Variants in PTH2R observed in about 807,000 individuals in gnomAD.
PTH2R encodes the protein parathyroid hormone 2 receptor, also known as PTH2 receptor.
A neutral mutation model predicts 60.3 loss-of-function variants in PTH2R; 59 were observed. That is an observed-to-expected ratio of 0.98 (90% CI 0.79 to 1.22). The LOEUF (loss-of-function observed/expected upper bound fraction) is 1.22. PTH2R is among the 50% of genes most tolerant of loss of function. The pLI is 0.00. For synonymous variants in PTH2R, 256 were observed against 243.8 expected (o/e 1.05, Z -0.47); for missense variants, 749 against 682.6 (o/e 1.10, Z -1.08).
At chr2:208,368,235 C>T (rs958322980) in intron 1 of PTH2R, among the ~76,000 whole-genome samples, 3 of 152,208 alleles carry the variant, frequency 2.0e-5, no homozygotes, top group African/African-American at 7.2e-5. Context: ...ACCTATATTA[C>T]TGTGAAAATG....
rs1702100984 is a variant in PTH2R at position 208,437,625 on chromosome 2, T to C, written c.267T>C (p.Tyr89=). ...TATCGGCTGTTCCATGCCCTCCTTA[T>C]ATTTATGACTTCAACCATAAAGGTA... is the stretch of plus-strand genomic sequence containing the variant. ...GKISAVPCPP[Y]IYDFNHKGVA... The change falls in exon 3 of 13, where the codon TAT becomes TAC. Residue 89 remains tyrosine (Y), a synonymous_variant. Transcript: ENST00000272847. The C allele has an allele frequency of 1.9e-6, 3 of 1,612,998 alleles. No homozygotes were observed. Among genetic ancestry groups the C allele is most frequent in the Non-Finnish European group, 2.5e-6 (3 of 1,179,588 alleles).
intron 9 of PTH2R, among the ~76,000 whole-genome samples, chr2:208,469,679 T>A (rs765516617): frequency 2.0e-5 from 3 of 152,234 alleles, no homozygotes; most frequent in African/African-American, 7.2e-5. Context: ...CTAGAGTCAT[T>A]GGAAAATACT....
intron 2 of PTH2R, among the ~76,000 whole-genome samples, chr2:208,428,875 G>A (rs745355308): frequency 3.3e-5 from 5 of 152,074 alleles, no homozygotes; most frequent in East Asian, 1.9e-4. Flanking sequence ...ACCTGAGGTC[G>A]GGAGCTCCAG....
At chr2:208,437,345 C>A (rs575087456) in intron 2 of PTH2R, among the ~76,000 whole-genome samples, 192 bp from the exon 3 acceptor site, 39 of 151,988 alleles carry the variant, frequency 2.6e-4, no homozygotes, top group Non-Finnish European at 4.7e-4. Context: ...TATGAATGAG[C>A]CTTTGATGAA....
chr2:208,420,246 T>C (rs1316443772), intron 1 of PTH2R, among the ~76,000 whole-genome samples: 1 of 151,396 alleles, frequency 6.6e-6, no homozygotes, highest in Non-Finnish European at 1.5e-5. Context: ...GTAACAAACC[T>C]GCACATTGTG....
rs1702227040 is a variant in PTH2R at position 208,443,421 on chromosome 2, T to G, written c.583T>G (p.Phe195Val). ...TTTCATGCTGAGAGCTACAAGCATCTTTGTCAAAGACAGAGTAGTCCATGC... is the reference window on the plus strand; with the variant it reads ...TTTCATGCTGAGAGCTACAAGCATCGTTGTCAAAGACAGAGTAGTCCATGC... ...VSFMLRATSIFVKDRVVHAHI... is the reference protein window; with the variant it reads ...VSFMLRATSIVVKDRVVHAHI... Residue 195 changes from phenylalanine (F) to valine (V), a missense_variant, in exon 6 of 13, where the codon TTT becomes GTT. Phe to Val is a conservative substitution (Grantham distance 50). Coordinates refer to ENST00000272847, the MANE Select transcript of PTH2R (RefSeq NM_005048.4). 5 of 1,613,188 alleles carry G rather than the reference T, an allele frequency of 3.1e-6. 1 individual carries two copies. In the South Asian group the frequency reaches 5.5e-5, roughly 18 times the overall value.
chr2:208,474,641 G>A (rs1702959795), intron 9 of PTH2R, among the ~76,000 whole-genome samples: 1 of 152,226 alleles, frequency 6.6e-6, no homozygotes, highest in African/African-American at 2.4e-5. Context: ...AGACTGTGGA[G>A]TTTGATGGGA....
chr2:208,425,239 G>A (rs1157435035), intron 1 of PTH2R, among the ~76,000 whole-genome samples: 1 of 152,134 alleles, frequency 6.6e-6, no homozygotes, highest in Non-Finnish European at 1.5e-5. Context: ...TAATGAGATG[G>A]AGTAAAAAGC....
intron 1 of PTH2R, among the ~76,000 whole-genome samples, chr2:208,387,122 T>C (rs960910361): frequency 5.3e-5 from 8 of 152,222 alleles, no homozygotes; most frequent in African/African-American, 1.9e-4. Context: ...GAGCTCTGGA[T>C]CATTGTTACG....
rs143249054 is a variant in PTH2R, at chr2:208,412,743, A to T, written c.75+5625A>T. Among the ~76,000 whole-genome samples the T allele has an allele frequency of 2.1e-3, 314 of 152,316 alleles. 2 individuals are homozygous for T. Among genetic ancestry groups the T allele is most frequent in the African/African-American group, 7.2e-3 (298 of 41,580 alleles). ...AGTATAAGGTTTAGAGTTCCAGCATACCAGAGATTCATATTTTTTCAGGTT... is the reference window on the plus strand; with the variant it reads ...AGTATAAGGTTTAGAGTTCCAGCATTCCAGAGATTCATATTTTTTCAGGTT... On this transcript the variant is annotated intron_variant, in intron 1 of 12. Coordinates refer to ENST00000272847, the MANE Select transcript of PTH2R (RefSeq NM_005048.4).
intron 10 of PTH2R, among the ~76,000 whole-genome samples, chr2:208,484,313 A>C (rs535463514): frequency 5.3e-5 from 8 of 152,372 alleles, no homozygotes; most frequent in Non-Finnish European, 5.9e-5. Flanking sequence ...AATGGAAATG[A>C]GTGAATCAAT....
chr2:208,419,171 C>T (rs1383634917), intron 1 of PTH2R, among the ~76,000 whole-genome samples: 2 of 152,228 alleles, frequency 1.3e-5, no homozygotes, highest in Non-Finnish European at 2.9e-5. Flanking sequence ...TCCACATCCT[C>T]TCCAGCACCT....
At position 208,443,366 on chromosome 2, in the gene PTH2R, G is replaced by A. The variant is rs1702224932; in HGVS notation, c.528G>A (p.Arg176=). 2 of 1,592,558 alleles carry A rather than the reference G, an allele frequency of 1.3e-6. No individual in the cohort carries two copies. Among genetic ancestry groups the A allele is most frequent in the Non-Finnish European group, 1.7e-6 (2 of 1,172,456 alleles). ...TCCGTAGACGATTGCATTGCACTAGGAACTATATCCACATGCACTTATTTG... is the reference window on the plus strand; with the variant it reads ...TCCGTAGACGATTGCATTGCACTAGAAACTATATCCACATGCACTTATTTG... The part of the protein sequence containing the change: ...IGYFRRLHCT[R]NYIHMHLFVS... The change falls in exon 6 of 13, where the codon AGG becomes AGA. Residue 176 remains arginine, a synonymous_variant. Coordinates refer to ENST00000272847, the MANE Select transcript of PTH2R (RefSeq NM_005048.4).
chr2:208,395,210 G>T (rs1701185764), intron 1 of PTH2R, among the ~76,000 whole-genome samples: 2 of 151,960 alleles, frequency 1.3e-5, no homozygotes, highest in Admixed American at 6.6e-5. Flanking sequence ...ACCATGCCTG[G>T]CTAATTTTTT....
In PTH2R at chr2:208,493,397, A is replaced by G; in HGVS notation, c.1391A>G (p.Gln464Arg). The change falls in exon 13 of 13, where the codon CAG (glutamine) becomes CGG (arginine). Residue 464 changes from glutamine (Q) to arginine (R), a missense_variant. Gln to Arg is a conservative substitution (Grantham distance 43). Coordinates refer to ENST00000272847, the MANE Select transcript of PTH2R (RefSeq NM_005048.4). ...TVTHSTSSQS[Q>R]VAASTRMVLI... Reference sequence around the variant, plus strand: ...ACGCACAGCACCAGCAGCCAGTCACAGGTGGCGGCCAGCACACGCATGGTG... The same window carrying G: ...ACGCACAGCACCAGCAGCCAGTCACGGGTGGCGGCCAGCACACGCATGGTG... The G allele has an allele frequency of 1.9e-6, 3 of 1,610,004 alleles. No individual in the cohort carries two copies. Among genetic ancestry groups the G allele is most frequent in the Non-Finnish European group, 2.5e-6 (3 of 1,177,254 alleles).
chr2:208,392,826 T>C (rs922705636), intron 1 of PTH2R, among the ~76,000 whole-genome samples: 1 of 152,186 alleles, frequency 6.6e-6, no homozygotes, highest in African/African-American at 2.4e-5. Flanking sequence ...TGTGCTGTAA[T>C]GGCAGACTGA....
chr2:208,458,941 A>G (rs1044914644), intron 8 of PTH2R, among the ~76,000 whole-genome samples: 6 of 152,122 alleles, frequency 3.9e-5, no homozygotes, highest in Admixed American at 3.3e-4. Flanking sequence ...TTACGGTAGA[A>G]TGCTTTATAT....
intron 2 of PTH2R, among the ~76,000 whole-genome samples, chr2:208,436,603 A>T (rs533084799): frequency 2.4e-4 from 36 of 152,198 alleles, no homozygotes; most frequent in Admixed American, 4.6e-4. Context: ...CCTGGGCTGG[A>T]TAGAATCTCA....
intron 4 of PTH2R, among the ~76,000 whole-genome samples, chr2:208,441,101 C>T (rs1702171869): frequency 1.3e-5 from 2 of 152,196 alleles, no homozygotes; most frequent in Non-Finnish European, 2.9e-5. Context: ...CAAGACCAGG[C>T]CCCTGAACTT....
Sources: gnomAD v4.1 joint callset for allele counts (sites outside exome capture counted in the v4.1 genomes callset) on GRCh38, gnomAD v4.1.1 for gene constraint, MANE v1.5 for transcripts, NCBI Gene and HGNC (gene_info 2026-07-23, HGNC 2026-07-21) for gene names.